SEMA6A: variants seen among roughly 807,000 people sequenced by gnomAD.
SEMA6A encodes semaphorin-6A.
A neutral mutation model predicts 96.8 loss-of-function variants in SEMA6A; 25 were observed. The ratio of observed to expected loss-of-function variants is 0.26; its 90% CI spans 0.19 to 0.36. The LOEUF (loss-of-function observed/expected upper bound fraction) is 0.36. Ranked by LOEUF, SEMA6A falls within the 10% of genes least tolerant of loss-of-function variation. The pLI is 1.00. For missense variants in SEMA6A, 1,363 were observed against 1,323.1 expected, an observed-to-expected ratio of 1.03 and a Z score of -0.47; for synonymous variants, 612 against 518.0, an observed-to-expected ratio of 1.18 and a Z score of -2.46.
At chr5:116,571,816 A>G (rs749642398) in intron 1 of SEMA6A, among the ~76,000 whole-genome samples, 12 of 152,376 alleles carry the variant, frequency 7.9e-5, no homozygotes, top group East Asian at 1.9e-4. Flanking sequence ...GACTAAACAC[A>G]GCATTAAAAA....
chr5:116,447,913 A>G, intron 18 of SEMA6A, 102 bp from the exon 19 acceptor site: 2 of 920,858 alleles, frequency 2.2e-6, no homozygotes, highest in Non-Finnish European at 3.3e-6. Context: ...AGTAAGTGAC[A>G]ACAGCACCTC....
At position 116,474,355 on chromosome 5, in the gene SEMA6A, A is replaced by G. The variant is rs1756342046; in HGVS notation, c.1708+1190T>C. Among the ~76,000 whole-genome samples, 3 of 152,116 alleles carry G rather than the reference A, an allele frequency of 2.0e-5. No homozygotes were observed. The South Asian group carries it at 6.2e-4, about 32-fold the overall frequency. ...GCAAATAAAGCTATAATGCACCAAG[A>G]TGATTAAGGTCCACTGATCAAACAT... On this transcript the variant is annotated intron_variant, in intron 16 of 18. Transcript: ENST00000343348.
chr5:116,549,067 A>G (rs1439869932), intron 1 of SEMA6A, among the ~76,000 whole-genome samples: 1 of 152,208 alleles, frequency 6.6e-6, no homozygotes, highest in Non-Finnish European at 1.5e-5. Flanking sequence ...AAATCACTGT[A>G]AGCAAACAAC....
At chr5:116,553,205 T>G (rs755924355) in intron 1 of SEMA6A, among the ~76,000 whole-genome samples, 1 of 152,258 alleles carries the variant, frequency 6.6e-6, no homozygotes, top group Admixed American at 6.5e-5. Flanking sequence ...GAAAGTTTTA[T>G]TAACATATTC....
At chr5:116,458,389 A>C (rs1755151314) in intron 18 of SEMA6A, among the ~76,000 whole-genome samples, 1 of 152,162 alleles carries the variant, frequency 6.6e-6, no homozygotes, top group Admixed American at 6.5e-5. Flanking sequence ...TTTTTGTAGA[A>C]AAGATGGGAG....
At chr5:116,484,361 C>T (rs1011793154) in intron 10 of SEMA6A, among the ~76,000 whole-genome samples, 2 of 152,102 alleles carry the variant, frequency 1.3e-5, no homozygotes, top group Admixed American at 6.5e-5. Context: ...TCCTTCGTTC[C>T]TTTCTTTCCT....
At chr5:116,506,713 T>G (rs180788653) in intron 1 of SEMA6A, among the ~76,000 whole-genome samples, 112 of 152,164 alleles carry the variant, frequency 7.4e-4, no homozygotes, top group African/African-American at 2.6e-3. Context: ...CAGGGAGAAC[T>G]GGCAACTTTT....
chr5:116,524,226 A>G (rs567214162), intron 1 of SEMA6A, among the ~76,000 whole-genome samples: 3 of 152,192 alleles, frequency 2.0e-5, no homozygotes, highest in Non-Finnish European at 4.4e-5. Context: ...AGCCATGTGA[A>G]TACTGCACGA....
chr5:116,467,814 G>A (rs1755859799), intron 17 of SEMA6A, 67 bp from the exon 18 acceptor site: 1 of 1,550,650 alleles, frequency 6.4e-7, no homozygotes. Context: ...TTGCGCAGAG[G>A]CCTGGAGGTG....
chr5:116,559,952 C>G (rs1760756257), intron 1 of SEMA6A, among the ~76,000 whole-genome samples: 1 of 152,238 alleles, frequency 6.6e-6, no homozygotes, highest in African/African-American at 2.4e-5. Context: ...CCTGCAGCAC[C>G]CTGGGCAGAG....
chr5:116,552,760 A>G (rs1760468645), intron 1 of SEMA6A, among the ~76,000 whole-genome samples: 2 of 152,246 alleles, frequency 1.3e-5, no homozygotes, highest in African/African-American at 4.8e-5. Flanking sequence ...GCACTTTTAC[A>G]AATCCAATAG....
intron 16 of SEMA6A, among the ~76,000 whole-genome samples, chr5:116,474,224 G>C (rs1253976957): frequency 1.3e-5 from 2 of 151,086 alleles, no homozygotes; most frequent in Admixed American, 6.6e-5. Context: ...TAAATATGAT[G>C]AAAATAGCTC....
intron 7 of SEMA6A, 149 bp downstream of exon 7, chr5:116,491,591 T>G: frequency 1.6e-6 from 1 of 643,850 alleles, no homozygotes; most frequent in East Asian, 2.7e-5. Context: ...ATTTTCATAC[T>G]AATTTCAAAC....
chr5:116,451,669 T>G, intron 18 of SEMA6A, among the ~76,000 whole-genome samples: 1 of 152,148 alleles, frequency 6.6e-6, no homozygotes, highest in East Asian at 1.9e-4. Context: ...TTCAATACAT[T>G]GTAGAGCTAT....
chr5:116,480,025 G>C (rs1756670854), intron 12 of SEMA6A, 97 bp downstream of exon 12: 1 of 1,401,158 alleles, frequency 7.1e-7, no homozygotes, highest in African/African-American at 1.4e-5. Flanking sequence ...GATAGCAGAA[G>C]ATGTTTGTGG....
intron 1 of SEMA6A, chr5:116,550,277 T>A (rs577356896): frequency 6.6e-6 from 1 of 152,316 alleles, no homozygotes; most frequent in East Asian, 1.9e-4. Context: ...AAATTTCACA[T>A]TGTCAGCAAT....
At chr5:116,553,395 T>A (rs1408034627) in intron 1 of SEMA6A, among the ~76,000 whole-genome samples, 1 of 152,128 alleles carries the variant, frequency 6.6e-6, no homozygotes, top group Non-Finnish European at 1.5e-5. Flanking sequence ...GTCATTAGCG[T>A]CTATTTAATA....
intron 1 of SEMA6A, among the ~76,000 whole-genome samples, chr5:116,532,797 A>C (rs750752331): frequency 2.6e-5 from 4 of 152,126 alleles, no homozygotes; most frequent in Non-Finnish European, 4.4e-5. Context: ...GTGCTTTGTT[A>C]TTCTCTCAAA....
chr5:116,571,345 C>T (rs543740738), intron 1 of SEMA6A, among the ~76,000 whole-genome samples: 3 of 152,132 alleles, frequency 2.0e-5, no homozygotes, highest in African/African-American at 4.8e-5. Context: ...GGATTATATG[C>T]GTTATTGAAA....
Sources: allele counts gnomAD v4.1 joint callset (sites outside exome capture counted in the v4.1 genomes callset), GRCh38; gene constraint gnomAD v4.1.1; transcripts MANE v1.5; gene names NCBI Gene and HGNC (gene_info 2026-07-23, HGNC 2026-07-21).